The following VPS13B variants were observed in gnomAD, a reference collection of about 807,000 sequenced individuals.
VPS13B encodes the protein intermembrane lipid transfer protein VPS13B.
In VPS13B, 285 loss-of-function variants were observed where a neutral mutation model predicts 426.4. The ratio of observed to expected loss-of-function variants is 0.67; its 90% CI spans 0.61 to 0.74. VPS13B has a LOEUF of 0.74. VPS13B is among the 30% of genes least tolerant of loss of function. The pLI, the probability that VPS13B is intolerant of heterozygous loss-of-function variation, is 0.00. For missense variants in VPS13B, 4,537 were observed against 4,782.6 expected (o/e 0.95, Z 1.51); for synonymous variants, 1,676 against 1,676.4 (o/e 1.00, Z 0.01).
intron 2 of VPS13B, among the ~76,000 whole-genome samples, chr8:99,026,545 C>T (rs1450388756): frequency 6.6e-6 from 1 of 152,156 alleles, no homozygotes; most frequent in African/African-American, 2.4e-5. Flanking sequence ...GTGGGGTGTT[C>T]AAGTCCCCAA....
chr8:99,169,883 A>G lies in VPS13B; in HGVS notation c.2209-156A>G, dbSNP rs1030021145. 3.3e-5 allele frequency among the ~76,000 whole-genome samples: 5 copies of G among 152,212 alleles called. No individual in the cohort carries two copies. The East Asian group carries it at 9.6e-4, about 29-fold the overall frequency. ...TAATTTTGACCTACTGTCAAATTGT[A>G]TAGAAGAAAATGTTGATCGTTTGGG... On this transcript the variant is annotated intron_variant, in intron 15 of 61. Coordinates refer to ENST00000357162, the MANE Select transcript of VPS13B (RefSeq NM_152564.5).
chr8:99,269,034 T>C (rs1818444766), intron 17 of VPS13B, among the ~76,000 whole-genome samples: 1 of 152,136 alleles, frequency 6.6e-6, no homozygotes, highest in Non-Finnish European at 1.5e-5. Flanking sequence ...TGCCACCTTG[T>C]GAAGAAGGAC....
chr8:99,173,413 A>G (rs1812462223), intron 16 of VPS13B, among the ~76,000 whole-genome samples: 1 of 152,196 alleles, frequency 6.6e-6, no homozygotes, highest in Admixed American at 6.5e-5. Context: ...AAAAATTGCC[A>G]GTAATACTTA....
At chr8:99,686,768 C>T (rs1169262920) in intron 35 of VPS13B, among the ~76,000 whole-genome samples, 1 of 152,014 alleles carries the variant, frequency 6.6e-6, no homozygotes, top group Non-Finnish European at 1.5e-5. Flanking sequence ...TCCCCTCTGG[C>T]CCAGGGCAGC....
At chr8:99,111,776 A>G (rs937076526) in intron 6 of VPS13B, among the ~76,000 whole-genome samples, 2 of 152,136 alleles carry the variant, frequency 1.3e-5, no homozygotes, top group Non-Finnish European at 2.9e-5. Context: ...TTAAAATCTT[A>G]GGGAGTTATT....
chr8:99,743,440 A>G (rs1230965650), intron 39 of VPS13B, among the ~76,000 whole-genome samples: 3 of 152,012 alleles, frequency 2.0e-5, no homozygotes, highest in African/African-American at 7.3e-5. Flanking sequence ...TCAAGCTACC[A>G]ATGACTTTCT....
intron 12 of VPS13B, among the ~76,000 whole-genome samples, chr8:99,138,130 C>T (rs1588078583): frequency 6.6e-6 from 1 of 152,046 alleles, no homozygotes; most frequent in Non-Finnish European, 1.5e-5. Context: ...TCTCTAGATT[C>T]TAATATATAT....
chr8:99,429,976 C>G (rs1231106615), intron 21 of VPS13B, among the ~76,000 whole-genome samples: 1 of 152,080 alleles, frequency 6.6e-6, no homozygotes, highest in African/African-American at 2.4e-5. Context: ...TCTGCTGAAG[C>G]CATCTTTGCC....
chr8:99,014,409 C>A (rs771494784), intron 2 of VPS13B, among the ~76,000 whole-genome samples: 1 of 151,828 alleles, frequency 6.6e-6, no homozygotes, highest in East Asian at 1.9e-4. Context: ...TGAGCCACCG[C>A]GCCCGGCCTG....
chr8:99,673,030 C>T (rs1372510327), intron 35 of VPS13B, among the ~76,000 whole-genome samples: 2 of 152,010 alleles, frequency 1.3e-5, no homozygotes, highest in African/African-American at 4.8e-5. Flanking sequence ...ATTCCGTCTA[C>T]TACTATTTTG....
At chr8:99,551,379 T>G (rs1173489899) in intron 30 of VPS13B, among the ~76,000 whole-genome samples, 1 of 152,026 alleles carries the variant, frequency 6.6e-6, no homozygotes, top group Non-Finnish European at 1.5e-5. Context: ...TGCCCTAAAG[T>G]TTTAGGTGTG....
At chr8:99,435,987 CAAGA>C (rs947062765) in intron 22 of VPS13B, among the ~76,000 whole-genome samples, 1 of 152,068 alleles carries the variant, frequency 6.6e-6, no homozygotes, top group Non-Finnish European at 1.5e-5. Flanking sequence ...ATGGGTCATT[CAAGA>C]AAGTATGTAC....
At chr8:99,683,826 T>G (rs1831257039) in intron 35 of VPS13B, among the ~76,000 whole-genome samples, 1 of 152,248 alleles carries the variant, frequency 6.6e-6, no homozygotes, top group Admixed American at 6.5e-5. Context: ...CTTTGTTATT[T>G]ATGCCCTTTT....
Position 99,198,344 on chromosome 8 carries a change from GTTT to G in VPS13B, c.2515+5293_2515+5295del, listed in dbSNP as rs941363690. Among the ~76,000 whole-genome samples the G allele has an allele frequency of 2.0e-5, 3 of 151,564 alleles. No individual in the cohort carries two copies. The South Asian group carries it at 6.3e-4, about 32-fold the overall frequency. On this transcript the variant is annotated intron_variant, in intron 17 of 61. Coordinates refer to ENST00000357162, the MANE Select transcript of VPS13B (RefSeq NM_152564.5). ...TGGTTTATTGTCTCACAATATTAATGTTTTTTTTAAATTTTAAACTTTTATTTT... is the reference window on the plus strand; with the variant it reads ...TGGTTTATTGTCTCACAATATTAATGTTTTTAAATTTTAAACTTTTATTTT...
intron 35 of VPS13B, chr8:99,697,657 C>T: frequency 1.5e-6 from 1 of 651,790 alleles, no homozygotes. Flanking sequence ...ACAGAGGGTG[C>T]AGCAGATGAT....
At chr8:99,247,332 A>C (rs1164766623) in intron 17 of VPS13B, among the ~76,000 whole-genome samples, 1 of 152,214 alleles carries the variant, frequency 6.6e-6, no homozygotes, top group African/African-American at 2.4e-5. Flanking sequence ...TAATGTTTAG[A>C]TCTAAGCTAC....
At chr8:99,839,391 G>A (rs772893777) in intron 54 of VPS13B, among the ~76,000 whole-genome samples, 5 of 152,156 alleles carry the variant, frequency 3.3e-5, no homozygotes, top group Non-Finnish European at 5.9e-5. Context: ...GGACCTATCA[G>A]GTGCCAAACC....
intron 33 of VPS13B, among the ~76,000 whole-genome samples, chr8:99,578,060 T>A (rs149869197): frequency 2.0e-5 from 3 of 152,274 alleles, no homozygotes; most frequent in African/African-American, 7.2e-5. Context: ...CCATGCTCAG[T>A]GGGAAATGAA....
chr8:99,500,914 C>T (rs924633811), intron 25 of VPS13B, among the ~76,000 whole-genome samples: 3 of 152,106 alleles, frequency 2.0e-5, no homozygotes, highest in African/African-American at 7.2e-5. Context: ...AGACCAAAAA[C>T]AAACAAACAA....
Sources: gnomAD v4.1 joint callset for allele counts (sites outside exome capture counted in the v4.1 genomes callset) on GRCh38, gnomAD v4.1.1 for gene constraint, MANE v1.5 for transcripts, NCBI Gene and HGNC (gene_info 2026-07-23, HGNC 2026-07-21) for gene names.